CNOT1: variants seen among roughly 807,000 people sequenced by gnomAD.
The protein encoded by CNOT1 is CCR4-associated factor 1.
In CNOT1, 15 loss-of-function variants were observed where a neutral mutation model predicts 273.8. The ratio of observed to expected loss-of-function variants is 0.05; its 90% confidence interval spans 0.04 to 0.08. The LOEUF (loss-of-function observed/expected upper bound fraction) is 0.08. Ranked by LOEUF, CNOT1 falls within the 10% of genes least tolerant of loss-of-function variation. The pLI is 1.00. For missense variants in CNOT1, 1,644 were observed against 2,912.2 expected, an observed-to-expected ratio of 0.56 and a Z score of 10.02; for synonymous variants, 1,022 against 1,005.5, an observed-to-expected ratio of 1.02 and a Z score of -0.31.
intron 2 of CNOT1, among the ~76,000 whole-genome samples, chr16:58,593,921 T>C (rs2042153757): frequency 6.6e-6 from 1 of 152,122 alleles, no homozygotes. Context: ...ACAATACAGA[T>C]GAATCCTACT....
chr16:58,615,966 G>A (rs13333273), intron 1 of CNOT1, among the ~76,000 whole-genome samples: 69,228 of 115,184 alleles, frequency 0.6, 27,735 homozygotes, highest in African/African-American at 0.79. Context: ...AAATGCCTTT[G>A]GCCCTAGCTA....
chr16:58,546,828 T>A, intron 27 of CNOT1, 79 bp from the exon 28 acceptor site: 2 of 1,568,202 alleles, frequency 1.3e-6, no homozygotes, highest in Non-Finnish European at 8.7e-7. Flanking sequence ...CAATACAACA[T>A]AAGGGGGTAG....
Position 58,538,222 on chromosome 16 carries a change from G to T in CNOT1, c.5180C>A (p.Ala1727Asp). 6.8e-7 allele frequency: 1 copy of T among 1,460,748 alleles called. No homozygotes were observed. The highest frequency in any genetic ancestry group is 9.6e-7 in the Non-Finnish European group (1 of 1,040,098). 90.5% of individuals were successfully genotyped at this position (1,460,748 alleles called of 1,614,324 possible). The change falls in exon 37 of 49, where the codon GCT becomes GAT. Residue 1727 changes from alanine to aspartate, a missense_variant. Physicochemically the swap from Ala to Asp is moderately radical, Grantham distance 126. Coordinates refer to ENST00000317147, the MANE Select transcript of CNOT1 (RefSeq NM_016284.5). ...CRDEYKYNVE[A>D]VELLIRNHLV... ...ATGATTGCGAATTAGCAGCTCCACA[G>T]CCTCCACATTATATTTATATTCATC...
At chr16:58,550,867 G>A (rs1221713177) in intron 24 of CNOT1, among the ~76,000 whole-genome samples, 1 of 152,084 alleles carries the variant, frequency 6.6e-6, no homozygotes, top group Non-Finnish European at 1.5e-5. Flanking sequence ...GAGAAAATGA[G>A]GTATGACTAA....
intron 12 of CNOT1, 121 bp downstream of exon 12, chr16:58,580,512 A>T (rs1338426173): frequency 2.9e-6 from 4 of 1,392,734 alleles, no homozygotes; most frequent in Non-Finnish European, 3.7e-6. Context: ...TAAGATAAGT[A>T]AGGTCACTAA....
intron 25 of CNOT1, 134 bp downstream of exon 25, chr16:58,549,585 A>G: frequency 7.3e-7 from 1 of 1,376,344 alleles, no homozygotes; most frequent in Non-Finnish European, 9.5e-7. Context: ...TATAAGAAAC[A>G]AAATCTACAG....
chr16:58,550,265 A>G (rs1038677698), intron 24 of CNOT1, among the ~76,000 whole-genome samples: 1 of 152,250 alleles, frequency 6.6e-6, no homozygotes, highest in Non-Finnish European at 1.5e-5. Context: ...TTCCATCTAC[A>G]GGAATCCTTA....
intron 1 of CNOT1, among the ~76,000 whole-genome samples, chr16:58,619,306 CTTG>C (rs200460493): frequency 0.36 from 54,852 of 151,818 alleles, 10,888 homozygotes; most frequent in Non-Finnish European, 0.45. Context: ...TGCTAAAGAA[CTTG>C]TTAAAACTCA....
chr16:58,537,351 C>A (rs1567392088), intron 38 of CNOT1, 131 bp from the exon 39 acceptor site: 1 of 1,328,724 alleles, frequency 7.5e-7, no homozygotes, highest in African/African-American at 1.5e-5. Context: ...CACTTCCACA[C>A]TGAAACAAAA....
chr16:58,606,573 C>T (rs2042684990), intron 1 of CNOT1, among the ~76,000 whole-genome samples: 2 of 152,070 alleles, frequency 1.3e-5, no homozygotes, highest in Admixed American at 6.6e-5. Flanking sequence ...GAGGCCGAGA[C>T]GGGAGGATCA....
In CNOT1 at chr16:58,582,919, T is replaced by C. The variant is rs1443232332; in HGVS notation, c.934-16A>G. 1.2e-6 allele frequency: 2 copies of C among 1,613,444 alleles called. No individual in the cohort carries two copies. Among genetic ancestry groups the C allele is most frequent in the Non-Finnish European group, 1.7e-6 (2 of 1,179,532 alleles). On this transcript the variant is annotated splice_polypyrimidine_tract_variant and intron_variant, in intron 9 of 48. Transcript: ENST00000317147. ...CAGAAATACTCTGTAGAAGTAAAAC[T>C]TGAATTAAACAAACCCAACTACTCC... is the stretch of plus-strand genomic sequence containing the variant.
Position 58,555,414 on chromosome 16 carries a change from A to G in CNOT1, c.2728T>C (p.Leu910=). 6.2e-7 allele frequency: 1 copy of G among 1,614,168 alleles called. No homozygotes were observed. The highest frequency in any genetic ancestry group is 8.5e-7 in the Non-Finnish European group (1 of 1,180,042). Reference sequence around the variant, plus strand: ...CCAAATAGGCAGGCTGTTATATGTAACTCTTTATCAGGATACTGGGGAAAA... The same window carrying G: ...CCAAATAGGCAGGCTGTTATATGTAGCTCTTTATCAGGATACTGGGGAAAA... ...RFFPQYPDKE[L]HITACLFGGI... is the part of the protein sequence containing the mutation. The change falls in exon 21 of 49, where the codon TTA becomes CTA. Residue 910 remains leucine, a synonymous_variant. Coordinates refer to ENST00000317147, the MANE Select transcript of CNOT1 (RefSeq NM_016284.5).
chr16:58,553,965 C>CT, intron 21 of CNOT1, 105 bp from the exon 22 acceptor site: 1 of 1,349,440 alleles, frequency 7.4e-7, no homozygotes, highest in Non-Finnish European at 9.5e-7. Flanking sequence ...TCCATCTTAC[C>CT]TATGAATAAC....
intron 1 of CNOT1, among the ~76,000 whole-genome samples, chr16:58,622,355 C>G (rs1364850190): frequency 0.025 from 193 of 7,758 alleles, no homozygotes; most frequent in Middle Eastern, 0.1. Flanking sequence ...GGGGGGCGGG[C>G]GTGGACAATG....
intron 43 of CNOT1, among the ~76,000 whole-genome samples, chr16:58,529,840 CAAAAAAAAAAAAAAA>C (rs58854069): frequency 1.4e-5 from 1 of 69,396 alleles, no homozygotes; most frequent in South Asian, 8.2e-4. Flanking sequence ...GACTCTGTCT[CAAAAAAAAAAAAAAA>C]AAAAAAAAAA....
In CNOT1 at chr16:58,560,022, C is replaced by T. The variant is rs79398002; in HGVS notation, c.2130+190G>A. On this transcript the variant is annotated intron_variant, in intron 17 of 48. Transcript: ENST00000317147. The stretch of plus-strand genomic sequence containing the variant: ...GTCTGTATATTTCCTCTTAGAGTCA[C>T]GTTCTATTTGATGATAAAATCTATT... 2.9e-3 allele frequency: 4,123 copies of T among 1,433,274 alleles called. 90 individuals are homozygous for T. The African/African-American group carries it at 0.053, about 18-fold the overall frequency. 88.8% of individuals were successfully genotyped at this position (1,433,274 alleles called of 1,614,324 possible).
intron 1 of CNOT1, among the ~76,000 whole-genome samples, chr16:58,600,307 G>C (rs912517753): frequency 1.3e-5 from 2 of 150,970 alleles, no homozygotes; most frequent in African/African-American, 4.9e-5. Flanking sequence ...ATTCCAGCCT[G>C]GGTGAGAAAG....
chr16:58,547,696 A>G lies in CNOT1; in HGVS notation c.3523-14T>C. 6.2e-7 allele frequency: 1 copy of G among 1,606,060 alleles called. No individual in the cohort carries two copies. The highest frequency in any genetic ancestry group is 8.5e-7 in the Non-Finnish European group (1 of 1,176,072). ...GGTCAGGAGCACCTGAAATAGTGTA[A>G]GATTAAGAAAGATATGAGAATAAGC... On this transcript the variant is annotated splice_polypyrimidine_tract_variant and intron_variant, in intron 25 of 48. Coordinates refer to ENST00000317147, the MANE Select transcript of CNOT1 (RefSeq NM_016284.5). The surrounding 1 kb of genome is among the most constrained non-coding windows in gnomAD (Gnocchi z 4.0).
At chr16:58,552,976 T>C (rs1434583724) in intron 22 of CNOT1, among the ~76,000 whole-genome samples, 2 of 152,130 alleles carry the variant, frequency 1.3e-5, no homozygotes, top group Non-Finnish European at 2.9e-5. Context: ...CTGACTCCTT[T>C]TAAATAAGCA....
Sources: allele counts gnomAD v4.1 joint callset (sites outside exome capture counted in the v4.1 genomes callset), GRCh38; gene constraint gnomAD v4.1.1; non-coding constraint Gnocchi (gnomAD v3.1); transcripts MANE v1.5; gene names NCBI Gene and HGNC (gene_info 2026-07-23, HGNC 2026-07-21).